Variants in NCK1 observed in about 807,000 individuals in gnomAD.
NCK1 encodes NCK adaptor protein 1, also known as SH2/SH3 adapter protein NCK1.
In NCK1, 19 loss-of-function variants were observed where a neutral mutation model predicts 36.6. The ratio of observed to expected loss-of-function variants is 0.52; its 90% CI spans 0.36 to 0.76. The LOEUF is 0.76. NCK1 is among the 30% of genes least tolerant of loss of function. The probability of loss-of-function intolerance (pLI) is 0.00; values close to 1 mark genes in which losing one functional copy is unlikely to be tolerated. For missense variants in NCK1, 358 were observed against 445.6 expected (o/e 0.80, Z 1.77); for synonymous variants, 165 against 156.0 (o/e 1.06, Z -0.43).
intron 1 of NCK1, among the ~76,000 whole-genome samples, chr3:136,867,135 T>C (rs1430799066): frequency 4.1e-5 from 1 of 24,668 alleles, no homozygotes; most frequent in Non-Finnish European, 9.9e-5. Flanking sequence ...TTTCTTTCCT[T>C]CCTTCCTTCC....
intron 2 of NCK1, among the ~76,000 whole-genome samples, chr3:136,935,212 A>G (rs541594417): frequency 2.0e-5 from 3 of 152,214 alleles, no homozygotes; most frequent in East Asian, 3.9e-4. Context: ...TCTTTTTTTG[A>G]CAATGTGTAA....
At chr3:136,906,168 T>G (rs965520499) in intron 1 of NCK1, among the ~76,000 whole-genome samples, 7 of 150,568 alleles carry the variant, frequency 4.6e-5, no homozygotes, top group South Asian at 2.1e-4. Context: ...CATAGTGTAG[T>G]CTCTGTGTGT....
chr3:136,924,632 A>G (rs1940193430), intron 1 of NCK1, among the ~76,000 whole-genome samples: 1 of 152,186 alleles, frequency 6.6e-6, no homozygotes, highest in African/African-American at 2.4e-5. Context: ...TATACTGATA[A>G]TTTAATTTTA....
chr3:136,945,245 T>G (rs1940779233), intron 2 of NCK1, among the ~76,000 whole-genome samples: 1 of 152,302 alleles, frequency 6.6e-6, no homozygotes, highest in South Asian at 2.1e-4. Flanking sequence ...GTACTTAGAT[T>G]GTAGCTATGA....
intron 2 of NCK1, chr3:136,930,617 T>A (rs766207987): frequency 2.6e-4 from 368 of 1,434,176 alleles, no homozygotes; most frequent in Middle Eastern, 1.6e-3. Context: ...GTTTATTAAA[T>A]CCACTGTTTT....
At chr3:136,929,919 G>T (rs1940349627) in intron 2 of NCK1, among the ~76,000 whole-genome samples, 1 of 152,132 alleles carries the variant, frequency 6.6e-6, no homozygotes, top group African/African-American at 2.4e-5. Context: ...CCGTACTACA[G>T]TATTCTGATG....
At chr3:136,922,266 C>G (rs1425576228) in intron 1 of NCK1, among the ~76,000 whole-genome samples, 1 of 152,220 alleles carries the variant, frequency 6.6e-6, no homozygotes, top group African/African-American at 2.4e-5. Context: ...TGAAAGTTAT[C>G]TTTTTGATTG....
intron 1 of NCK1, among the ~76,000 whole-genome samples, chr3:136,909,018 A>G (rs559955344): frequency 3.3e-5 from 5 of 152,076 alleles, no homozygotes; most frequent in African/African-American, 9.6e-5. Flanking sequence ...TCCCCCACTC[A>G]CCCCCAGATA....
At chr3:136,867,612 G>A (rs1222834208) in intron 1 of NCK1, 1 of 151,846 alleles carries the variant, frequency 6.6e-6, no homozygotes, top group East Asian at 1.9e-4. Flanking sequence ...ATGTTGTGTG[G>A]ACTTGAATCA....
intron 1 of NCK1, among the ~76,000 whole-genome samples, chr3:136,900,481 A>T (rs1364764845): frequency 6.6e-6 from 1 of 152,150 alleles, no homozygotes; most frequent in Non-Finnish European, 1.5e-5. Context: ...TGGTATTTTG[A>T]TAGCCATTGC....
rs188576686 is a variant in NCK1, at chr3:136,901,857, G to A, written c.-18-26127G>A. Among the ~76,000 whole-genome samples the A allele has an allele frequency of 2.6e-3, 402 of 152,022 alleles. 2 individuals are homozygous for A. Among genetic ancestry groups the A allele is most frequent in the African/African-American group, 8.7e-3 (361 of 41,486 alleles). On this transcript the variant is annotated intron_variant, in intron 1 of 3. Coordinates refer to ENST00000481752, the MANE Select transcript of NCK1 (RefSeq NM_001291999.2). ...TTCTTTTGTGCTTTTTAAAAAAGTC[G>A]TTTCATTTAGTTCTGCTCTGATCTT...
rs1355986752 is a variant in NCK1, at chr3:136,949,068, CAT to C, written c.*616_*617del. ...GACACATGAGACATAGATTAGAAAA[CAT>C]GTTGTACAATTTTAATTTACAACTG... On this transcript the variant is annotated 3_prime_UTR_variant, in exon 4 of 4. Transcript: ENST00000481752. The C allele has an allele frequency of 2.6e-5, 4 of 152,438 alleles. No individual in the cohort carries two copies. The highest frequency in any genetic ancestry group is 6.6e-5 in the Admixed American group (1 of 15,256). The allele number at this position is 152,438 out of a possible 1,614,324, so 9.4% of individuals were successfully genotyped here.
At chr3:136,880,641 T>G (rs1478263550) in intron 1 of NCK1, among the ~76,000 whole-genome samples, 1 of 152,160 alleles carries the variant, frequency 6.6e-6, no homozygotes, top group East Asian at 1.9e-4. Flanking sequence ...GTTTGTTTGT[T>G]TTTTTGAGGC....
intron 2 of NCK1, among the ~76,000 whole-genome samples, chr3:136,943,657 G>T (rs1048192313): frequency 2.0e-5 from 3 of 152,076 alleles, no homozygotes; most frequent in African/African-American, 7.2e-5. Context: ...TTTTTCCTTT[G>T]TTCCTACTAC....
chr3:136,948,169 T>A (rs1191495933), intron 3 of NCK1, 90 bp from the exon 4 acceptor site: 3 of 996,454 alleles, frequency 3.0e-6, no homozygotes, highest in Non-Finnish European at 4.3e-6. Context: ...ACTTAGTAAG[T>A]GCTTAGATTT....
At chr3:136,867,267 T>C (rs377351824) in intron 1 of NCK1, among the ~76,000 whole-genome samples, 3 of 102,978 alleles carry the variant, frequency 2.9e-5, no homozygotes, top group African/African-American at 1.0e-4. Flanking sequence ...CTCTCTCTCT[T>C]TCTTTCTTTC....
At chr3:136,894,985 C>T (rs567460081) in intron 1 of NCK1, among the ~76,000 whole-genome samples, 84 of 152,250 alleles carry the variant, frequency 5.5e-4, no homozygotes, top group African/African-American at 1.8e-3. Flanking sequence ...AAGCAGTTCT[C>T]CTGCCTCAGC....
At chr3:136,907,433 ATGT>A (rs1029591408) in intron 1 of NCK1, among the ~76,000 whole-genome samples, 3 of 152,052 alleles carry the variant, frequency 2.0e-5, no homozygotes, top group African/African-American at 7.2e-5. Flanking sequence ...CTCTGGAATA[ATGT>A]TGTTGCATGG....
chr3:136,903,124 T>C (rs1939591122), intron 1 of NCK1, among the ~76,000 whole-genome samples: 1 of 152,220 alleles, frequency 6.6e-6, no homozygotes, highest in South Asian at 2.1e-4. Context: ...TATATCTGGG[T>C]GCTACAGTGT....
Sources: gnomAD v4.1 joint callset for allele counts (sites outside exome capture counted in the v4.1 genomes callset) on GRCh38, gnomAD v4.1.1 for gene constraint, MANE v1.5 for transcripts, NCBI Gene and HGNC (gene_info 2026-07-23, HGNC 2026-07-21) for gene names.